The following KIAA0753 variants were observed in gnomAD, a reference collection of about 807,000 sequenced individuals.
The protein encoded by KIAA0753 is protein moonraker.
A neutral mutation model predicts 116.9 loss-of-function variants in KIAA0753; 114 were observed. The observed-to-expected ratio is 0.98, with a 90% CI of 0.84 to 1.14. The LOEUF is 1.14. Ranked by LOEUF, KIAA0753 falls within the 50% of genes most tolerant of loss-of-function variation. The probability of loss-of-function intolerance (pLI) is 0.00; values close to 1 mark genes in which losing one functional copy is unlikely to be tolerated. For missense variants in KIAA0753, 1,156 were observed against 1,172.4 expected (o/e 0.99, Z 0.20); for synonymous variants, 405 against 413.1 (o/e 0.98, Z 0.24).
intron 12 of KIAA0753, 72 bp downstream of exon 12, chr17:6,606,801 G>T: frequency 8.7e-7 from 1 of 1,152,890 alleles, no homozygotes; most frequent in Non-Finnish European, 1.3e-6. Flanking sequence ...AGTCCAGGTT[G>T]GTTGCTAGAA....
intron 7 of KIAA0753, among the ~76,000 whole-genome samples, chr17:6,613,835 C>T (rs1970708379): frequency 6.6e-6 from 1 of 152,196 alleles, no homozygotes; most frequent in Admixed American, 6.5e-5. Context: ...TTTCTTAAAG[C>T]TCAAATATAA....
chr17:6,607,241 T>C lies in KIAA0753; in HGVS notation c.1859A>G (p.Lys620Arg). The change falls in exon 11 of 19, where the codon AAA (lysine) becomes AGA (arginine). Residue 620 changes from lysine to arginine, a missense_variant. By Grantham distance (26) the Lys-to-Arg change is conservative. Coordinates refer to ENST00000361413, the MANE Select transcript of KIAA0753 (RefSeq NM_014804.3). The stretch of plus-strand genomic sequence containing the variant: ...TAACTCTTCTAGTTCCTTCAATCTT[T>C]TGGAAGTTTCAGCATCAAGCCAAGC... ...RLAWLDAETS[K>R]RLKELEELKA... The C allele has an allele frequency of 6.2e-7, 1 of 1,612,950 alleles. No individual in the cohort carries two copies. The highest frequency in any genetic ancestry group is 8.5e-7 in the Non-Finnish European group (1 of 1,179,538).
Position 6,634,660 on chromosome 17 carries a change from T to C in KIAA0753, c.93+351A>G, listed in dbSNP as rs140926576. On this transcript the variant is annotated intron_variant, in intron 2 of 18. Transcript: ENST00000361413. ...TATAATGCTAGGGGAAAAGACATTT[T>C]TGAGACAACTGAGTAAAGCTGAATA... The C allele has an allele frequency of 2.8e-3, 491 of 176,120 alleles. 5 individuals carry two copies. The highest frequency in any genetic ancestry group is 0.011 in the African/African-American group (467 of 42,382). The allele number at this position is 176,120 out of a possible 1,614,324, so 10.9% of individuals were successfully genotyped here.
At chr17:6,616,777 G>A (rs1455756263) in intron 7 of KIAA0753, among the ~76,000 whole-genome samples, 1 of 152,218 alleles carries the variant, frequency 6.6e-6, no homozygotes, top group African/African-American at 2.4e-5. Context: ...AGTGAGCTGA[G>A]ATCGTGCCAC....
chr17:6,593,122 G>T (rs1307213801), intron 16 of KIAA0753, among the ~76,000 whole-genome samples: 2 of 152,094 alleles, frequency 1.3e-5, no homozygotes, highest in Non-Finnish European at 2.9e-5. Context: ...ATCTGGAAAA[G>T]AACTTGTACT....
intron 8 of KIAA0753, among the ~76,000 whole-genome samples, chr17:6,610,694 A>AT (rs1156924871): frequency 6.6e-6 from 1 of 151,110 alleles, no homozygotes; most frequent in Admixed American, 6.6e-5. Flanking sequence ...CTAATTTTTT[A>AT]TTTTTTGTAG....
rs751382240 is a variant in KIAA0753, at chr17:6,599,307, G to C, written c.2102C>G (p.Thr701Ser). Residue 701 changes from threonine (T) to serine (S), a missense_variant, in exon 14 of 19, where the codon ACT becomes AGT. Thr to Ser is a moderately conservative substitution (Grantham distance 58). Coordinates refer to ENST00000361413, the MANE Select transcript of KIAA0753 (RefSeq NM_014804.3). ...TTTCAAATGAATATTTGCTTCTGTA[G>C]TAGAATTGACTCTCTATTAAAACAG... ...LLVKAQRVNS[T>S]TEANIHLKDG... The C allele has an allele frequency of 1.1e-5, 18 of 1,611,686 alleles. No homozygotes were observed. Among genetic ancestry groups the C allele is most frequent in the Non-Finnish European group, 1.5e-5 (18 of 1,178,040 alleles).
chr17:6,594,671 T>C lies in KIAA0753; in HGVS notation c.2440+301A>G, dbSNP rs1478547289. Among the ~76,000 whole-genome samples the C allele has an allele frequency of 2.0e-5, 3 of 152,168 alleles. No homozygotes were observed. In the South Asian group the frequency reaches 6.2e-4, roughly 32 times the overall value. On this transcript the variant is annotated intron_variant, in intron 16 of 18. Coordinates refer to ENST00000361413, the MANE Select transcript of KIAA0753 (RefSeq NM_014804.3). Reference sequence around the variant, plus strand: ...CAGTTAGGATCTGTGCATTTTATTATCTGTAAATTTTATCTTGAAAAAAAG... The same window carrying C: ...CAGTTAGGATCTGTGCATTTTATTACCTGTAAATTTTATCTTGAAAAAAAG...
At chr17:6,635,376 CAA>C in intron 1 of KIAA0753, 1 of 226,040 alleles carries the variant, frequency 4.4e-6, no homozygotes, top group Non-Finnish European at 7.6e-6. Context: ...ATTTCAAAAA[CAA>C]AAAAAAATAG....
Position 6,628,125 on chromosome 17 carries a change from G to A in KIAA0753, c.710C>T (p.Thr237Ile). Residue 237 changes from threonine (T) to isoleucine (I), a missense_variant, in exon 3 of 19, where the codon ACT (threonine) becomes ATT (isoleucine). Physicochemically the swap from Thr to Ile is moderately conservative, Grantham distance 89 (BLOSUM62 -1). Coordinates refer to ENST00000361413, the MANE Select transcript of KIAA0753 (RefSeq NM_014804.3). Reference protein sequence around the residue: ...SSCIHKIEEVTKKDRLEEALD... With the variant: ...SSCIHKIEEVIKKDRLEEALD... ...AATCTAATTTTTCTCACCTTTTTTA[G>A]TTACCTCTTCAATTTTGTGGATACA... is the stretch of plus-strand genomic sequence containing the variant. 2.5e-6 allele frequency: 4 copies of A among 1,604,844 alleles called. No individual in the cohort carries two copies. Among genetic ancestry groups the A allele is most frequent in the Non-Finnish European group, 3.4e-6 (4 of 1,176,560 alleles).
intron 2 of KIAA0753, among the ~76,000 whole-genome samples, chr17:6,632,724 T>C (rs537237872): frequency 3.3e-5 from 5 of 152,234 alleles, no homozygotes; most frequent in Admixed American, 6.5e-5. Flanking sequence ...TACTTGCTGA[T>C]AGGGTGTCCT....
chr17:6,590,405 A>G, intron 17 of KIAA0753, 105 bp downstream of exon 17: 2 of 1,394,384 alleles, frequency 1.4e-6, no homozygotes, highest in Non-Finnish European at 2.0e-6. Flanking sequence ...ATCTTGCTCA[A>G]AGGAAGAATT....
intron 16 of KIAA0753, among the ~76,000 whole-genome samples, chr17:6,593,467 T>A (rs1315528263): frequency 6.6e-6 from 1 of 151,690 alleles, no homozygotes; most frequent in East Asian, 1.9e-4. Flanking sequence ...ATCCCAGCAC[T>A]TCCGGAGGCA....
At chr17:6,590,347 C>T (rs1407910815) in intron 17 of KIAA0753, among the ~76,000 whole-genome samples, 163 bp downstream of exon 17, 1 of 152,102 alleles carries the variant, frequency 6.6e-6, no homozygotes, top group Non-Finnish European at 1.5e-5. Context: ...CACTCAATGC[C>T]CATCTTGTAA....
chr17:6,617,217 CAAGCACTT>C (rs2150864045), intron 7 of KIAA0753, among the ~76,000 whole-genome samples: 1 of 152,248 alleles, frequency 6.6e-6, no homozygotes, highest in South Asian at 2.1e-4. Flanking sequence ...AGTCTTTCAA[CAAGCACTT>C]AAGTGCCTAA....
chr17:6,615,422 G>A lies in KIAA0753; in HGVS notation c.1316-3274C>T, dbSNP rs921927272. ...CTGGCGATTCAGATATGCTGAAGAA[G>A]CTGGAAAATGTCCCCTTTAAGTGAA... On this transcript the variant is annotated intron_variant, in intron 7 of 18. Coordinates refer to ENST00000361413, the MANE Select transcript of KIAA0753 (RefSeq NM_014804.3). 3.3e-5 allele frequency among the ~76,000 whole-genome samples: 5 copies of A among 151,936 alleles called. No individual in the cohort carries two copies. The South Asian group carries it at 8.3e-4, about 25-fold the overall frequency.
At chr17:6,626,164 T>C (rs2150900290) in intron 3 of KIAA0753, among the ~76,000 whole-genome samples, 1 of 152,270 alleles carries the variant, frequency 6.6e-6, no homozygotes, top group Admixed American at 6.5e-5. Flanking sequence ...AAATTGTTTC[T>C]GGAAAACTGT....
In KIAA0753 at chr17:6,579,086, A is replaced by T. The variant is rs1172985580; in HGVS notation, c.*661T>A. ...ATACCAGATTGTGTCAACACACAGC[A>T]ATAAAATATGCTGAGGAACTAAAAA... On this transcript the variant is annotated 3_prime_UTR_variant, in exon 19 of 19. Transcript: ENST00000361413. 6.6e-6 allele frequency: 1 copy of T among 152,282 alleles called. No homozygotes were observed. The highest frequency in any genetic ancestry group is 1.5e-5 in the Non-Finnish European group (1 of 68,064). The allele number at this position is 152,282 out of a possible 1,614,324, so 9.4% of individuals were successfully genotyped here. A position where few individuals can be genotyped will look rare whatever the true frequency, so the allele number is the denominator to read the frequency against.
At position 6,599,338 on chromosome 17, in the gene KIAA0753, T is replaced by C; in HGVS notation, c.2089-18A>G. ...TTGACTCTCTATTAAAACAGACAAATACATTCATGGAGTATAAAGACTTAT... is the reference window on the plus strand; with the variant it reads ...TTGACTCTCTATTAAAACAGACAAACACATTCATGGAGTATAAAGACTTAT... On this transcript the variant is annotated intron_variant, in intron 13 of 18. Coordinates refer to ENST00000361413, the MANE Select transcript of KIAA0753 (RefSeq NM_014804.3). 6.6e-7 allele frequency: 1 copy of C among 1,513,094 alleles called. No individual in the cohort carries two copies. The highest frequency in any genetic ancestry group is 9.2e-7 in the Non-Finnish European group (1 of 1,088,970). 93.7% of individuals were successfully genotyped at this position (1,513,094 alleles called of 1,614,324 possible). A position where few individuals can be genotyped will look rare whatever the true frequency, so the allele number is the denominator to read the frequency against.
Sources: allele counts gnomAD v4.1 joint callset (sites outside exome capture counted in the v4.1 genomes callset), GRCh38; gene constraint gnomAD v4.1.1; transcripts MANE v1.5; gene names NCBI Gene and HGNC (gene_info 2026-07-23, HGNC 2026-07-21).